Variants in THRA observed in about 807,000 individuals in gnomAD.
THRA encodes the protein EAR-7.
In THRA, 13 loss-of-function variants were observed where a neutral mutation model predicts 45.0. The ratio of observed to expected loss-of-function variants is 0.29; its 90% confidence interval spans 0.19 to 0.46. THRA has a LOEUF of 0.46. Ranked by LOEUF, THRA falls within the 20% of genes least tolerant of loss-of-function variation. The probability of loss-of-function intolerance (pLI) is 1.00; values close to 1 mark genes in which losing one functional copy is unlikely to be tolerated. For synonymous variants in THRA, 195 were observed against 214.0 expected, an observed-to-expected ratio of 0.91 and a Z score of 0.78; for missense variants, 278 against 556.1, an observed-to-expected ratio of 0.50 and a Z score of 5.03.
Position 40,089,802 on chromosome 17 carries a change from C to T in THRA, c.*346C>T. On this transcript the variant is annotated 3_prime_UTR_variant, in exon 9 of 9. Transcript: ENST00000450525. This position sits in a 1 kb window ranked among gnomAD's most constrained non-coding sequence, Gnocchi z 6.1. ...ACCGTAGGGGAAGGAGGAATGTGGG[C>T]TGGGGGAAGATGCCCTCAACTCACC... 1 of 1,143,382 alleles carries T rather than the reference C, an allele frequency of 8.7e-7. No homozygotes were observed. The highest frequency in any genetic ancestry group is 1.1e-6 in the Non-Finnish European group (1 of 923,770). The allele number at this position is 1,143,382 out of a possible 1,614,324, so 70.8% of individuals were successfully genotyped here.
chr17:40,088,448 C>G lies in THRA; in HGVS notation c.930C>G (p.Asn310Lys). The stretch of plus-strand genomic sequence containing the variant: ...TGGGCAAGTCACTCTCTGCCTTTAA[C>G]CTGGATGACACGGAAGTGGCTCTGC... ...FELGKSLSAF[N>K]LDDTEVALLQ... Residue 310 changes from asparagine to lysine, a missense_variant, in exon 8 of 9, where the codon AAC becomes AAG. Physicochemically the swap from Asn to Lys is moderately conservative, Grantham distance 94. Around this residue, in one of 6 missense-constraint regions of THRA, gnomAD observed 66 missense variants for 94.7 expected, o/e 0.70. Coordinates refer to ENST00000450525, the MANE Select transcript of THRA (RefSeq NM_199334.5). The G allele has an allele frequency of 6.2e-7, 1 of 1,614,074 alleles. No individual in the cohort carries two copies. Among genetic ancestry groups the G allele is most frequent in the Non-Finnish European group, 8.5e-7 (1 of 1,179,966 alleles).
intron 1 of THRA, among the ~76,000 whole-genome samples, chr17:40,063,908 T>G (rs774777397): frequency 6.7e-6 from 1 of 148,990 alleles, no homozygotes; most frequent in African/African-American, 2.5e-5. Flanking sequence ...GAACCACCGT[T>G]CCAGGGGTGG....
At position 40,089,083 on chromosome 17, in the gene THRA, T is replaced by A; in HGVS notation, c.983-123T>A. The A allele has an allele frequency of 1.5e-6, 1 of 669,412 alleles. No homozygotes were observed. Among genetic ancestry groups the A allele is most frequent in the African/African-American group, 2.2e-5 (1 of 46,478 alleles). The allele number at this position is 669,412 out of a possible 1,614,324, so 41.5% of individuals were successfully genotyped here. A position where few individuals can be genotyped will look rare whatever the true frequency, so the allele number is the denominator to read the frequency against. ...CTCAGGGGGAGCTTCTCCCCTCCCC[T>A]CCCCCAGCCTCTCTGCCTCTATCTC... On this transcript the variant is annotated intron_variant, in intron 8 of 8. Coordinates refer to ENST00000450525, the MANE Select transcript of THRA (RefSeq NM_199334.5). This position sits in a 1 kb window ranked among gnomAD's most constrained non-coding sequence, Gnocchi z 6.1.
chr17:40,065,498 T>C (rs1433750600), intron 1 of THRA, among the ~76,000 whole-genome samples: 2 of 152,166 alleles, frequency 1.3e-5, no homozygotes, highest in Admixed American at 6.5e-5. Context: ...TCTCTCTCCT[T>C]GTTTCTCTGC....
chr17:40,091,470 G>A lies in THRA; in HGVS notation c.*2014G>A, dbSNP rs1440355487. On this transcript the variant is annotated 3_prime_UTR_variant, in exon 9 of 9. Coordinates refer to ENST00000450525, the MANE Select transcript of THRA (RefSeq NM_199334.5). ...TGTCTCTATCCTCTCTCTCTCTCCT[G>A]GAGTACTGAATCCTGTATTACTCCA... The A allele has an allele frequency of 6.6e-6, 1 of 152,458 alleles. No individual in the cohort carries two copies. Among genetic ancestry groups the A allele is most frequent in the Non-Finnish European group, 1.5e-5 (1 of 68,336 alleles). 9.4% of individuals were successfully genotyped at this position (152,458 alleles called of 1,614,324 possible).
chr17:40,086,716 A>G lies in THRA; in HGVS notation c.586A>G (p.Ile196Val), dbSNP rs1472303296. Residue 196 changes from isoleucine (I) to valine (V), a missense_variant, in exon 7 of 9, where the codon ATT (isoleucine) becomes GTT (valine). By Grantham distance (29) the Ile-to-Val change is conservative. Around this residue, in one of 6 missense-constraint regions of THRA, gnomAD observed 111 missense variants for 167.1 expected, o/e 0.66. Transcript: ENST00000450525. ...CCGTCTTTCTCTCTAGCCCGATGAC[A>G]TTGGCCAGTCACCCATTGTCTCCAT... ...KQRRKFLPDD[I>V]GQSPIVSMPD... The G allele has an allele frequency of 1.2e-6, 2 of 1,614,010 alleles. No individual in the cohort carries two copies. Among genetic ancestry groups the G allele is most frequent in the Non-Finnish European group, 1.7e-6 (2 of 1,179,964 alleles).
rs1297502078 is a variant in THRA, at chr17:40,090,476, C to G, written c.*1020C>G. The G allele has an allele frequency of 6.6e-6, 1 of 152,492 alleles. No individual in the cohort carries two copies. The highest frequency in any genetic ancestry group is 2.4e-5 in the African/African-American group (1 of 41,434). The allele number at this position is 152,492 out of a possible 1,614,324, so 9.4% of individuals were successfully genotyped here. On this transcript the variant is annotated 3_prime_UTR_variant, in exon 9 of 9. Transcript: ENST00000450525. ...TCCTCCTTCCACACCTTGGCACCCA[C>G]CCAGGAAAAAACTGTGGCTCCAACT...
At chr17:40,069,936 T>C (rs956331920) in intron 1 of THRA, among the ~76,000 whole-genome samples, 8 of 151,846 alleles carry the variant, frequency 5.3e-5, no homozygotes, top group African/African-American at 1.2e-4. Flanking sequence ...TTGATGTTAA[T>C]ACTGGGCATC....
intron 4 of THRA, among the ~76,000 whole-genome samples, chr17:40,079,142 A>T (rs759462510): frequency 6.6e-6 from 1 of 152,288 alleles, no homozygotes; most frequent in African/African-American, 2.4e-5. Flanking sequence ...AGCGAGAGCC[A>T]GTACTGGGGG....
intron 4 of THRA, among the ~76,000 whole-genome samples, chr17:40,080,040 G>A (rs1323044753): frequency 6.6e-6 from 1 of 151,804 alleles, no homozygotes; most frequent in African/African-American, 2.4e-5. Flanking sequence ...GTGTACTCCA[G>A]CCTGGGTGAC....
intron 1 of THRA, among the ~76,000 whole-genome samples, chr17:40,063,535 C>T (rs1986441847): frequency 6.6e-6 from 1 of 152,222 alleles, no homozygotes; most frequent in Non-Finnish European, 1.5e-5. Flanking sequence ...GCAAAGCTGC[C>T]TCCAGCTGCG....
chr17:40,084,453 G>A, intron 5 of THRA, 157 bp from the exon 6 acceptor site: 2 of 750,778 alleles, frequency 2.7e-6, no homozygotes, highest in Non-Finnish European at 2.3e-6. Context: ...CATGATCCGG[G>A]TTGTGCTGCC....
Position 40,091,231 on chromosome 17 carries a change from TACACAC to T in THRA, c.*1810_*1815del, listed in dbSNP as rs71152640. On this transcript the variant is annotated 3_prime_UTR_variant, in exon 9 of 9. Transcript: ENST00000450525. ...TGACCCTCAGCCTGCCACAGCCCCC[TACACAC>T]ACACACACACACACACACACACACA... is the stretch of plus-strand genomic sequence containing the variant. The T allele has an allele frequency of 6.8e-3, 969 of 142,272 alleles. 5 individuals are homozygous for T. Among genetic ancestry groups the T allele is most frequent in the Middle Eastern group, 0.011 (3 of 276 alleles). 8.8% of individuals were successfully genotyped at this position (142,272 alleles called of 1,614,324 possible).
At chr17:40,075,028 C>G (rs1986902538) in intron 2 of THRA, among the ~76,000 whole-genome samples, 1 of 152,258 alleles carries the variant, frequency 6.6e-6, no homozygotes, top group South Asian at 2.1e-4. Context: ...CTATTGGGAG[C>G]CCCACAAGCT....
At chr17:40,067,187 C>T (rs1175128445) in intron 1 of THRA, among the ~76,000 whole-genome samples, 1 of 151,660 alleles carries the variant, frequency 6.6e-6, no homozygotes, top group Admixed American at 6.6e-5. Flanking sequence ...GCCCCTCTGC[C>T]CCACCCTCCT....
At chr17:40,065,548 C>A (rs1196868105) in intron 1 of THRA, among the ~76,000 whole-genome samples, 2 of 152,166 alleles carry the variant, frequency 1.3e-5, no homozygotes, top group East Asian at 3.8e-4. Context: ...TACCCCCGAT[C>A]TACCCCTGTC....
Position 40,079,277 on chromosome 17 carries a change from C to T in THRA, c.222+1669C>T, listed in dbSNP as rs1431184999. 3.3e-5 allele frequency among the ~76,000 whole-genome samples: 5 copies of T among 151,974 alleles called. No homozygotes were observed. The South Asian group carries it at 6.2e-4, about 19-fold the overall frequency. ...TTTTGTTTTTTTTGAGATGGAGTCT[C>T]GCTCTGTTGCCCAGCCTGGAGTGCA... On this transcript the variant is annotated intron_variant, in intron 4 of 8. Transcript: ENST00000450525.
chr17:40,077,921 C>T (rs1414669175), intron 4 of THRA, among the ~76,000 whole-genome samples: 2 of 152,152 alleles, frequency 1.3e-5, no homozygotes, highest in Non-Finnish European at 2.9e-5. Context: ...TGGTCTCGAA[C>T]TCCTGACCTC....
In THRA at chr17:40,089,130, C is replaced by T. The variant is rs142410222; in HGVS notation, c.983-76C>T. The stretch of plus-strand genomic sequence containing the variant: ...TCTCCCCTCTAGTCCTTTCTTCCCA[C>T]GTCCCCACACCTCACCCTCCCCATC... On this transcript the variant is annotated intron_variant, in intron 8 of 8. Coordinates refer to ENST00000450525, the MANE Select transcript of THRA (RefSeq NM_199334.5). The surrounding 1 kb of genome is among the most constrained non-coding windows in gnomAD (Gnocchi z 6.1). 5.6e-3 allele frequency: 8,084 copies of T among 1,448,866 alleles called. 25 individuals are homozygous for T. The highest frequency in any genetic ancestry group is 7.0e-3 in the Non-Finnish European group (7,359 of 1,050,324). The allele number at this position is 1,448,866 out of a possible 1,614,324, so 89.8% of individuals were successfully genotyped here.
Sources: allele counts gnomAD v4.1 joint callset (sites outside exome capture counted in the v4.1 genomes callset), GRCh38; gene constraint gnomAD v4.1.1; regional missense constraint gnomAD v4.1.1; non-coding constraint Gnocchi (gnomAD v3.1); transcripts MANE v1.5; gene names NCBI Gene and HGNC (gene_info 2026-07-23, HGNC 2026-07-21).